Variants in IRS1 observed in about 807,000 individuals in gnomAD.
IRS1 encodes the protein insulin receptor substrate 1.
IRS1 carries 34 observed loss-of-function variants against 65.6 expected under a neutral mutation model. The observed-to-expected ratio is 0.52, with a 90% CI of 0.39 to 0.69. The LOEUF is 0.69. Ranked by LOEUF, IRS1 falls within the 30% of genes least tolerant of loss-of-function variation. The pLI is 0.00. For synonymous variants in IRS1, 699 were observed against 683.5 expected (o/e 1.02, Z -0.35); for missense variants, 1,641 against 1,720.2 (o/e 0.95, Z 0.81).
intron 1 of IRS1, among the ~76,000 whole-genome samples, chr2:226,763,751 A>T (rs1004902917): frequency 1.2e-4 from 19 of 152,018 alleles, no homozygotes; most frequent in African/African-American, 4.4e-4. Flanking sequence ...ATTCCAAATC[A>T]CCTTTAATTG....
intron 1 of IRS1, among the ~76,000 whole-genome samples, chr2:226,764,389 A>G (rs1270593116): frequency 6.6e-6 from 1 of 152,030 alleles, no homozygotes; most frequent in East Asian, 1.9e-4. Context: ...AAAAAAATAT[A>G]AAAAGTTAGC....
chr2:226,732,021 A>G lies in IRS1; in HGVS notation c.*4251T>C, dbSNP rs1938230029. On this transcript the variant is annotated 3_prime_UTR_variant, in exon 2 of 2. Transcript: ENST00000305123. ...GTGTATACGTCACAAATGGCAAGTC[A>G]TACACAAACTAGAAAAGAAAGCTAA... 6.6e-6 allele frequency: 1 copy of G among 152,226 alleles called. No individual in the cohort carries two copies. Among genetic ancestry groups the G allele is most frequent in the South Asian group, 2.1e-4 (1 of 4,828 alleles). The allele number at this position is 152,226 out of a possible 1,614,324, so 9.4% of individuals were successfully genotyped here.
chr2:226,797,932 C>T lies in IRS1; in HGVS notation c.807G>A (p.Lys269=), dbSNP rs574845417. 2.5e-5 allele frequency: 40 copies of T among 1,614,052 alleles called. No individual in the cohort carries two copies. The highest frequency in any genetic ancestry group is 3.2e-5 in the Non-Finnish European group (38 of 1,180,004). ...AMSDEFRPRS[K]SQSSSNCSNP... ...TAGAGCAGTTGGACGAGGACTGGCT[C>T]TTGCTGCGAGGGCGGAACTCATCAC... Residue 269 remains lysine, a synonymous_variant, in exon 1 of 2, where the codon AAG becomes AAA. Coordinates refer to ENST00000305123, the MANE Select transcript of IRS1 (RefSeq NM_005544.3). This position sits in a 1 kb window ranked among gnomAD's most constrained non-coding sequence, Gnocchi z 8.1.
chr2:226,744,740 G>GA, intron 1 of IRS1, among the ~76,000 whole-genome samples: 1 of 152,244 alleles, frequency 6.6e-6, no homozygotes, highest in African/African-American at 2.4e-5. Flanking sequence ...CCCAGCCATG[G>GA]AAAAATTGTC....
Position 226,799,290 on chromosome 2 carries a change from C to T in IRS1, c.-552G>A, listed in dbSNP as rs555907372. 43 of 1,196,926 alleles carry T rather than the reference C, an allele frequency of 3.6e-5. No individual in the cohort carries two copies. Among genetic ancestry groups the T allele is most frequent in the Non-Finnish European group, 4.5e-5 (42 of 937,862 alleles). 74.1% of individuals were successfully genotyped at this position (1,196,926 alleles called of 1,614,324 possible). A position where few individuals can be genotyped will look rare whatever the true frequency, so the allele number is the denominator to read the frequency against. ...CTCCTCCTTCGCCTCCTCCCACCCCCCAACCGTCCCAGCCGCCACCAGCCG... is the reference window on the plus strand; with the variant it reads ...CTCCTCCTTCGCCTCCTCCCACCCCTCAACCGTCCCAGCCGCCACCAGCCG... On this transcript the variant is annotated 5_prime_UTR_variant, in exon 1 of 2. Coordinates refer to ENST00000305123, the MANE Select transcript of IRS1 (RefSeq NM_005544.3). This position sits in a 1 kb window ranked among gnomAD's most constrained non-coding sequence, Gnocchi z 6.1.
chr2:226,790,402 G>A (rs1939567549), intron 1 of IRS1, among the ~76,000 whole-genome samples: 2 of 151,472 alleles, frequency 1.3e-5, no homozygotes, highest in African/African-American at 4.8e-5. Flanking sequence ...GCTGGAGATA[G>A]TATTTATTGA....
At chr2:226,758,470 C>T (rs1420161200) in intron 1 of IRS1, among the ~76,000 whole-genome samples, 1 of 152,024 alleles carries the variant, frequency 6.6e-6, no homozygotes, top group East Asian at 1.9e-4. Context: ...TAAATACTTT[C>T]CCAATATACA....
At chr2:226,769,744 C>T (rs1316184363) in intron 1 of IRS1, among the ~76,000 whole-genome samples, 1 of 152,106 alleles carries the variant, frequency 6.6e-6, no homozygotes, top group African/African-American at 2.4e-5. Context: ...ATTTATGACT[C>T]CAGAAAAACA....
At chr2:226,771,807 T>A (rs1295187078) in intron 1 of IRS1, among the ~76,000 whole-genome samples, 1 of 152,164 alleles carries the variant, frequency 6.6e-6, no homozygotes. Flanking sequence ...AGTCATACTT[T>A]TATTTTCAAG....
chr2:226,748,642 T>C (rs1286392335), intron 1 of IRS1, among the ~76,000 whole-genome samples: 1 of 150,934 alleles, frequency 6.6e-6, no homozygotes, highest in Non-Finnish European at 1.5e-5. Flanking sequence ...TAATTTATGA[T>C]CAAAAAACAA....
intron 1 of IRS1, among the ~76,000 whole-genome samples, chr2:226,756,737 G>A (rs1321707781): frequency 1.3e-5 from 2 of 152,150 alleles, no homozygotes; most frequent in Admixed American, 6.5e-5. Flanking sequence ...GCCCAGGTGG[G>A]TGGATCACAA....
intron 1 of IRS1, among the ~76,000 whole-genome samples, chr2:226,749,444 T>C (rs1034896905): frequency 6.6e-6 from 1 of 152,172 alleles, no homozygotes; most frequent in East Asian, 1.9e-4. Flanking sequence ...GAATTTCCAG[T>C]AGAAACAAAG....
chr2:226,777,144 A>C (rs1239612731), intron 1 of IRS1, among the ~76,000 whole-genome samples: 1 of 152,222 alleles, frequency 6.6e-6, no homozygotes, highest in Non-Finnish European at 1.5e-5. Context: ...AACTCTGAAT[A>C]AAGTATGGAC....
chr2:226,766,142 TA>T (rs1939033905), intron 1 of IRS1, among the ~76,000 whole-genome samples: 15 of 4,280 alleles, frequency 3.5e-3, no homozygotes, highest in Middle Eastern at 0.056. Context: ...TATATATATA[TA>T]TATATATATA....
chr2:226,769,974 G>C lies in IRS1; in HGVS notation c.*21+25015C>G, dbSNP rs57497052. Among the ~76,000 whole-genome samples the C allele has an allele frequency of 4.6e-5, 7 of 151,902 alleles. No homozygotes were observed. The East Asian group carries it at 1.4e-3, about 29-fold the overall frequency. On this transcript the variant is annotated intron_variant, in intron 1 of 1. Coordinates refer to ENST00000305123, the MANE Select transcript of IRS1 (RefSeq NM_005544.3). ...GTCTGGTAAGCAGTGGAGGCACTAGGAAATCTACTCCTCTCCCAGAAAGGA... is the reference window on the plus strand; with the variant it reads ...GTCTGGTAAGCAGTGGAGGCACTAGCAAATCTACTCCTCTCCCAGAAAGGA...
intron 1 of IRS1, among the ~76,000 whole-genome samples, chr2:226,741,327 C>T (rs189286178): frequency 2.6e-5 from 4 of 152,110 alleles, no homozygotes; most frequent in East Asian, 1.9e-4. Context: ...ATCATCCCAA[C>T]GCATTGTATA....
At chr2:226,752,400 T>C (rs1173101620) in intron 1 of IRS1, among the ~76,000 whole-genome samples, 5 of 152,200 alleles carry the variant, frequency 3.3e-5, no homozygotes, top group African/African-American at 1.2e-4. Flanking sequence ...TCAGCTCTAC[T>C]TATTAGGAAG....
chr2:226,792,072 A>C (rs1200214367), intron 1 of IRS1: 1 of 152,320 alleles, frequency 6.6e-6, no homozygotes, highest in African/African-American at 2.4e-5. Context: ...GAGGTACGGA[A>C]TCCTTGACAT....
At chr2:226,738,900 A>G (rs982947658) in intron 1 of IRS1, among the ~76,000 whole-genome samples, 2 of 152,218 alleles carry the variant, frequency 1.3e-5, no homozygotes, top group African/African-American at 4.8e-5. Flanking sequence ...TTTTCATTTC[A>G]TATCTGGCTC....
Sources: allele counts gnomAD v4.1 joint callset (sites outside exome capture counted in the v4.1 genomes callset), GRCh38; gene constraint gnomAD v4.1.1; non-coding constraint Gnocchi (gnomAD v3.1); transcripts MANE v1.5; gene names NCBI Gene and HGNC (gene_info 2026-07-23, HGNC 2026-07-21).